ZNF215: variants seen among roughly 807,000 people sequenced by gnomAD.
ZNF215 encodes BWSCR2-associated zinc finger protein 2.
A neutral mutation model predicts 27.2 loss-of-function variants in ZNF215; 24 were observed. That is an observed-to-expected ratio of 0.88 (90% confidence interval 0.64 to 1.24). The LOEUF (loss-of-function observed/expected upper bound fraction) is 1.24, where lower values mean the gene tolerates loss of function less well. Among genes scored for constraint, ZNF215 ranks in the 50% most tolerant of loss-of-function variants. The pLI is 0.00. For synonymous variants in ZNF215, 210 were observed against 204.0 expected, an observed-to-expected ratio of 1.03 and a Z score of -0.25; for missense variants, 675 against 605.7, an observed-to-expected ratio of 1.11 and a Z score of -1.20.
chr11:6,972,407 A>G (rs1391205834), intron 5 of ZNF215, among the ~76,000 whole-genome samples: 1 of 22,548 alleles, frequency 4.4e-5, no homozygotes, highest in Non-Finnish European at 3.8e-4. Flanking sequence ...ATCCTAGGAG[A>G]CTTTTTTTTT....
Position 6,956,534 on chromosome 11 carries a change from A to C in ZNF215, c.*3A>C. 1 of 1,555,880 alleles carries C rather than the reference A, an allele frequency of 6.4e-7. No homozygotes were observed. The highest frequency in any genetic ancestry group is 8.6e-7 in the Non-Finnish European group (1 of 1,156,938). ...TGCATACTCGAGATAAGTCCTGAAA[A>C]AAGAAAAAATGAAAGATTACCTTCA... is the stretch of plus-strand genomic sequence containing the variant. On this transcript the variant is annotated 3_prime_UTR_variant, in exon 7 of 7. Transcript: ENST00000278319.
intron 3 of ZNF215, among the ~76,000 whole-genome samples, chr11:6,940,071 GA>G (rs539605228): frequency 1.1e-4 from 16 of 144,562 alleles, no homozygotes; most frequent in Non-Finnish European, 1.7e-4. Context: ...GAAAAAAAAA[GA>G]AAAAAAAAAC....
At chr11:6,960,384 G>A (rs1850492577), downstream of ZNF215, among the ~76,000 whole-genome samples, 1 of 152,164 alleles carries the variant, frequency 6.6e-6, no homozygotes, top group Non-Finnish European at 1.5e-5. Context: ...TAAAGGAAGA[G>A]CAATGGGAGT....
chr11:6,932,783 T>C (rs555927526), intron 3 of ZNF215, 111 bp downstream of exon 3: 19 of 978,760 alleles, frequency 1.9e-5, no homozygotes, highest in Middle Eastern at 3.3e-4. Flanking sequence ...AAGGACTTTA[T>C]ATTACTCTAT....
intron 3 of ZNF215, among the ~76,000 whole-genome samples, chr11:6,939,662 A>T (rs978974880): frequency 6.6e-6 from 1 of 152,160 alleles, no homozygotes; most frequent in Non-Finnish European, 1.5e-5. Flanking sequence ...TTGAGAATGT[A>T]TATAGATTTT....
At position 6,951,569 on chromosome 11, in the gene ZNF215, C is replaced by A. The variant is rs369179513; in HGVS notation, c.713-4121C>A. Among the ~76,000 whole-genome samples the A allele has an allele frequency of 1.6e-4, 25 of 152,150 alleles. No individual in the cohort carries two copies. In the South Asian group the frequency reaches 5.2e-3, roughly 32 times the overall value. On this transcript the variant is annotated intron_variant, in intron 6 of 6. Transcript: ENST00000278319. ...ATGGTAGTTTGTATTTCTGTGGGAT[C>A]GGTGGTGATATCTCCTTTATCATTT...
At chr11:6,958,973 C>CT (rs1428409006), downstream of ZNF215, among the ~76,000 whole-genome samples, 2 of 152,196 alleles carry the variant, frequency 1.3e-5, no homozygotes, top group Non-Finnish European at 2.9e-5. Context: ...GAGGGTCGGT[C>CT]TGCCTTTCCC....
chr11:6,991,650 C>T (rs1424696785), downstream of ZNF215, among the ~76,000 whole-genome samples: 1 of 152,210 alleles, frequency 6.6e-6, no homozygotes, highest in Non-Finnish European at 1.5e-5. Context: ...CTAAACAATG[C>T]TTTAGAATCT....
At chr11:6,946,602 T>C (rs77281725) in intron 6 of ZNF215, among the ~76,000 whole-genome samples, 10,483 of 152,284 alleles carry the variant, frequency 0.069, 610 homozygotes, top group African/African-American at 0.16. Flanking sequence ...CTTTACCTAA[T>C]TGACCCTTAT....
intron 6 of ZNF215, 25 bp from the exon 7 acceptor site, chr11:6,955,665 C>G (rs1353488062): frequency 1.3e-6 from 2 of 1,526,836 alleles, no homozygotes; most frequent in African/African-American, 1.4e-5. Context: ...CCTTCTAGTT[C>G]ATGGCATTTT....
downstream of ZNF215, among the ~76,000 whole-genome samples, chr11:6,985,026 G>A (rs1339123020): frequency 6.6e-6 from 1 of 152,034 alleles, no homozygotes; most frequent in Non-Finnish European, 1.5e-5. Context: ...TTGAGGAGGG[G>A]GGCTCCTCTA....
At chr11:6,986,852 CAA>C (rs1851062169), downstream of ZNF215, among the ~76,000 whole-genome samples, 6 of 151,732 alleles carry the variant, frequency 4.0e-5, no homozygotes, top group Admixed American at 3.9e-4. Flanking sequence ...AAAACAAAAA[CAA>C]AAACAAAAAC....
At position 6,943,653 on chromosome 11, in the gene ZNF215, G is replaced by T. The variant is rs1564952877; in HGVS notation, c.712+12G>T. 1 of 1,579,718 alleles carries T rather than the reference G, an allele frequency of 6.3e-7. No homozygotes were observed. Among genetic ancestry groups the T allele is most frequent in the Admixed American group, 1.7e-5 (1 of 59,820 alleles). On this transcript the variant is annotated intron_variant, in intron 6 of 6. Transcript: ENST00000278319. ...GAAGACTATTTTTGGTAAGAACCAG[G>T]TAGATATGAGGCCATAGTAAGAAGC...
chr11:6,971,212 A>G (rs1410020904), intron 5 of ZNF215, among the ~76,000 whole-genome samples: 1 of 152,166 alleles, frequency 6.6e-6, no homozygotes, highest in Non-Finnish European at 1.5e-5. Flanking sequence ...TCTTGCCTGA[A>G]TCCTCATTGC....
chr11:6,987,752 A>C (rs1179961499), downstream of ZNF215, among the ~76,000 whole-genome samples: 1 of 152,184 alleles, frequency 6.6e-6, no homozygotes, highest in Non-Finnish European at 1.5e-5. Flanking sequence ...TGTAGTCTCT[A>C]GTAACCAGTC....
At chr11:6,963,225 C>T (rs1850553085) in intron 5 of ZNF215, among the ~76,000 whole-genome samples, 1 of 151,850 alleles carries the variant, frequency 6.6e-6, no homozygotes, top group African/African-American at 2.4e-5. Flanking sequence ...CAAGCTGTTC[C>T]CCCAACCCCA....
downstream of ZNF215, among the ~76,000 whole-genome samples, chr11:6,991,531 C>CT (rs1177783186): frequency 6.6e-6 from 1 of 152,232 alleles, no homozygotes; most frequent in Admixed American, 6.5e-5. Flanking sequence ...CAAGTCACCC[C>CT]TACACACCCG....
chr11:6,930,727 T>C (rs1334023753), intron 2 of ZNF215, among the ~76,000 whole-genome samples: 5 of 152,240 alleles, frequency 3.3e-5, no homozygotes, highest in Non-Finnish European at 7.3e-5. Context: ...AGAAATGAGA[T>C]GATAGCTCTT....
intron 5 of ZNF215, among the ~76,000 whole-genome samples, chr11:6,971,168 T>G (rs1850711748): frequency 6.6e-6 from 1 of 152,150 alleles, no homozygotes; most frequent in African/African-American, 2.4e-5. Flanking sequence ...CTTAGAGAAG[T>G]CTGCCTCCTT....
Sources: gnomAD v4.1 joint callset for allele counts (sites outside exome capture counted in the v4.1 genomes callset) on GRCh38, gnomAD v4.1.1 for gene constraint, MANE v1.5 for transcripts, NCBI Gene and HGNC (gene_info 2026-07-23, HGNC 2026-07-21) for gene names.